Variants in PDE8B observed in about 807,000 individuals in gnomAD.
PDE8B encodes phosphodiesterase 8B.
A neutral mutation model predicts 101.3 loss-of-function variants in PDE8B; 26 were observed. The ratio of observed to expected loss-of-function variants is 0.26; its 90% CI spans 0.19 to 0.36. The LOEUF (loss-of-function observed/expected upper bound fraction) is 0.36, where lower values mean the gene tolerates loss of function less well. Ranked by LOEUF, PDE8B falls within the 10% of genes least tolerant of loss-of-function variation. PDE8B has a pLI of 1.00. For synonymous variants in PDE8B, 424 were observed against 429.3 expected (o/e 0.99, Z 0.15); for missense variants, 810 against 1,163.1 (o/e 0.70, Z 4.42).
intron 6 of PDE8B, among the ~76,000 whole-genome samples, chr5:77,340,609 G>C (rs1779053966): frequency 7.0e-6 from 1 of 142,382 alleles, no homozygotes; most frequent in Admixed American, 6.8e-5. Context: ...CAGTGTGTGT[G>C]TGTGTGTGTG....
intron 1 of PDE8B, among the ~76,000 whole-genome samples, chr5:77,265,781 G>A (rs2149733817): frequency 6.6e-6 from 1 of 152,320 alleles, no homozygotes; most frequent in Middle Eastern, 3.4e-3. Context: ...AAGGCAAAAT[G>A]TTTGATAAAC....
the PDE8B span, among the ~76,000 whole-genome samples, chr5:77,150,040 G>A: frequency 6.6e-6 from 1 of 152,232 alleles, no homozygotes; most frequent in South Asian, 2.1e-4. Context: ...GCTAGAGGAC[G>A]TGTAGCAGAG....
Position 77,211,330 on chromosome 5 carries a change from A to AG in PDE8B, c.339+71dup. On this transcript the variant is annotated intron_variant, in intron 1 of 21. Coordinates refer to ENST00000264917, the MANE Select transcript of PDE8B (RefSeq NM_003719.5). The surrounding 1 kb of genome is among the most constrained non-coding windows in gnomAD (Gnocchi z 4.1). ...CCCCGTCGGCGGGGCTCGCACGGGT[A>AG]GGGGGCTCCGGCGGAGTTGGGTGAC... is the stretch of plus-strand genomic sequence containing the variant. 1 of 1,449,668 alleles carries AG rather than the reference A, an allele frequency of 6.9e-7. No individual in the cohort carries two copies. Among genetic ancestry groups the AG allele is most frequent in the Non-Finnish European group, 9.2e-7 (1 of 1,087,122 alleles). The allele number at this position is 1,449,668 out of a possible 1,614,324, so 89.8% of individuals were successfully genotyped here. A position where few individuals can be genotyped will look rare whatever the true frequency, so the allele number is the denominator to read the frequency against.
Position 77,413,157 on chromosome 5 carries a change from T to C in PDE8B, c.1759T>C (p.Cys587Arg), listed in dbSNP as rs150409277. 3.7e-6 allele frequency: 6 copies of C among 1,613,994 alleles called. No homozygotes were observed. Among genetic ancestry groups the C allele is most frequent in the Non-Finnish European group, 5.1e-6 (6 of 1,180,010 alleles). Reference protein sequence around the residue: ...GLKVFSRFGVCEFLNCSETTL... With the variant: ...GLKVFSRFGVREFLNCSETTL... ...AAAGGTCTTCTCTCGGTTTGGAGTATGTGAATTTTTAAACTGTTCTGAAAC... is the reference window on the plus strand; with the variant it reads ...AAAGGTCTTCTCTCGGTTTGGAGTACGTGAATTTTTAAACTGTTCTGAAAC... The change falls in exon 17 of 22, where the codon TGT (cysteine) becomes CGT (arginine). Residue 587 changes from cysteine (C) to arginine (R), a missense_variant. Around this residue, in one of 4 missense-constraint regions of PDE8B, gnomAD observed 325 missense variants for 560.9 expected, o/e 0.58. Coordinates refer to ENST00000264917, the MANE Select transcript of PDE8B (RefSeq NM_003719.5).
At position 77,221,505 on chromosome 5, in the gene PDE8B, G is replaced by A. The variant is rs549019905; in HGVS notation, c.339+10241G>A. Among the ~76,000 whole-genome samples the A allele has an allele frequency of 3.3e-5, 5 of 152,222 alleles. 1 individual carries two copies. The East Asian group carries it at 9.6e-4, about 29-fold the overall frequency. On this transcript the variant is annotated intron_variant, in intron 1 of 21. Transcript: ENST00000264917. ...TTTTCTGTGATGCTAACAGAAAATC[G>A]GAGTATGCGAAGTTTTGTAGGATGT...
the PDE8B span, among the ~76,000 whole-genome samples, chr5:77,157,731 T>C: frequency 6.6e-6 from 1 of 152,254 alleles, no homozygotes; most frequent in Non-Finnish European, 1.5e-5. Flanking sequence ...ATTTGTGTTA[T>C]GAAACCTCAG....
In PDE8B at chr5:77,426,731, A is replaced by C; in HGVS notation, c.*177A>C. 1 of 631,870 alleles carries C rather than the reference A, an allele frequency of 1.6e-6. No individual in the cohort carries two copies. Among genetic ancestry groups the C allele is most frequent in the Non-Finnish European group, 2.9e-6 (1 of 349,696 alleles). The allele number at this position is 631,870 out of a possible 1,614,324, so 39.1% of individuals were successfully genotyped here. On this transcript the variant is annotated 3_prime_UTR_variant, in exon 22 of 22. Transcript: ENST00000264917. ...TTTCATTCTTAGAAAGTTATGTTCC[A>C]TGAAGAAAAATATATGTTCTTTTGA... is the stretch of plus-strand genomic sequence containing the variant.
intron 10 of PDE8B, among the ~76,000 whole-genome samples, chr5:77,378,437 G>A (rs571267660): frequency 3.9e-5 from 5 of 129,746 alleles, no homozygotes; most frequent in East Asian, 2.2e-4. Context: ...CCAGCCTGGC[G>A]ACAGAGCAAG....
intron 7 of PDE8B, 147 bp downstream of exon 7, chr5:77,345,078 T>G: frequency 1.4e-6 from 1 of 693,116 alleles, no homozygotes; most frequent in Non-Finnish European, 2.7e-6. Flanking sequence ...CAAAGAATAC[T>G]GATAGACTTA....
intron 1 of PDE8B, among the ~76,000 whole-genome samples, chr5:77,229,167 A>G (rs1355116968): frequency 1.3e-5 from 2 of 152,252 alleles, no homozygotes; most frequent in South Asian, 2.1e-4. Flanking sequence ...TCTCAATTTA[A>G]TCAATGTAAC....
upstream of PDE8B, chr5:77,210,643 C>A: frequency 1.0e-6 from 1 of 981,434 alleles, no homozygotes; most frequent in Non-Finnish European, 1.2e-6. This position sits in a 1 kb window ranked among gnomAD's most constrained non-coding sequence, Gnocchi z 4.9. Context: ...GGCGCCGCGG[C>A]GGGGAGGGTG....
the PDE8B span, among the ~76,000 whole-genome samples, chr5:77,199,519 C>A: frequency 1.7e-4 from 26 of 152,218 alleles, no homozygotes; most frequent in African/African-American, 5.3e-4. Flanking sequence ...TTGGTGATTT[C>A]GAAAAGATCA....
chr5:77,216,362 G>A (rs931483758), intron 1 of PDE8B, among the ~76,000 whole-genome samples: 3 of 152,160 alleles, frequency 2.0e-5, no homozygotes, highest in African/African-American at 7.2e-5. Flanking sequence ...GGCTGGGGAG[G>A]CCTCACAATC....
the PDE8B span, among the ~76,000 whole-genome samples, chr5:77,137,535 A>C: frequency 6.6e-6 from 1 of 152,228 alleles, no homozygotes; most frequent in Non-Finnish European, 1.5e-5. Context: ...AAGCTATTCT[A>C]GTGGCCATGT....
chr5:77,409,331 TGGAG>T, intron 14 of PDE8B, among the ~76,000 whole-genome samples: 1 of 152,182 alleles, frequency 6.6e-6, no homozygotes, highest in Non-Finnish European at 1.5e-5. Flanking sequence ...GGGCAACTGA[TGGAG>T]GGCTCAATGT....
At chr5:77,205,003 G>T in the PDE8B span, among the ~76,000 whole-genome samples, 1 of 152,156 alleles carries the variant, frequency 6.6e-6, no homozygotes, top group Non-Finnish European at 1.5e-5. Context: ...ATCTCTCCTA[G>T]CCTGATTATT....
At chr5:77,380,552 G>A (rs1787251210) in intron 10 of PDE8B, among the ~76,000 whole-genome samples, 2 of 152,156 alleles carry the variant, frequency 1.3e-5, no homozygotes, top group Admixed American at 1.3e-4. Flanking sequence ...TAACTATTAA[G>A]TAAAATATAT....
At chr5:77,089,195 G>T in the PDE8B span, among the ~76,000 whole-genome samples, 1 of 152,112 alleles carries the variant, frequency 6.6e-6, no homozygotes, top group Non-Finnish European at 1.5e-5. Flanking sequence ...TAGCATTGCC[G>T]CCTGAGCTCC....
At position 77,325,574 on chromosome 5, in the gene PDE8B, C is replaced by T. The variant is rs76299136; in HGVS notation, c.435C>T (p.Ser145=). The T allele has an allele frequency of 5.7e-4, 925 of 1,614,030 alleles. 15 individuals are homozygous for T. The East Asian group carries it at 0.019, about 34-fold the overall frequency. ...LLIFAKEDSQ[S]DGFWWACDRA... ...TCTTTGCAAAGGAAGATAGTCAGAG[C>T]GATGGCTTCTGGTGGGCCTGCGACA... is the stretch of plus-strand genomic sequence containing the variant. The change falls in exon 3 of 22, where the codon AGC becomes AGT. Residue 145 remains serine, a synonymous_variant. Transcript: ENST00000264917.
Sources: gnomAD v4.1 joint callset for allele counts (sites outside exome capture counted in the v4.1 genomes callset) on GRCh38, gnomAD v4.1.1 for gene constraint, gnomAD v4.1.1 regional missense constraint, Gnocchi (gnomAD v3.1) non-coding constraint, MANE v1.5 for transcripts, NCBI Gene and HGNC (gene_info 2026-07-23, HGNC 2026-07-21) for gene names.